FRK: variants seen among roughly 807,000 people sequenced by gnomAD.
FRK encodes the protein tyrosine-protein kinase FRK.
Under a neutral mutation model 56.4 loss-of-function variants are expected in FRK, and 51 were observed. The observed-to-expected ratio is 0.90, with a 90% CI of 0.72 to 1.14. FRK has a LOEUF of 1.14. FRK is among the 50% of genes most tolerant of loss of function. The pLI is 0.00. For synonymous variants in FRK, 245 were observed against 217.9 expected, an observed-to-expected ratio of 1.12 and a Z score of -1.10; for missense variants, 570 against 601.4, an observed-to-expected ratio of 0.95 and a Z score of 0.55.
chr6:115,931,536 G>T lies in FRK; in HGVS notation c.*10878C>A, dbSNP rs2114482005. 1 of 152,198 alleles carries T rather than the reference G, an allele frequency of 6.6e-6. No individual in the cohort carries two copies. Among genetic ancestry groups the T allele is most frequent in the South Asian group, 2.1e-4 (1 of 4,826 alleles). The allele number at this position is 152,198 out of a possible 1,614,324, so 9.4% of individuals were successfully genotyped here. A position where few individuals can be genotyped will look rare whatever the true frequency, so the allele number is the denominator to read the frequency against. On this transcript the variant is annotated 3_prime_UTR_variant, in exon 8 of 8. Transcript: ENST00000606080. ...AAGAATACAATATAAAAACATGCAT[G>T]TTTTTAAGAGAAAAATCTCACTGTG...
chr6:116,031,649 G>C (rs1199601920), intron 1 of FRK, among the ~76,000 whole-genome samples: 1 of 152,054 alleles, frequency 6.6e-6, no homozygotes, highest in Admixed American at 6.6e-5. Context: ...ATCAGAATTA[G>C]AGTCCATGGA....
At chr6:116,012,676 T>C (rs530527455) in intron 1 of FRK, among the ~76,000 whole-genome samples, 53 of 152,336 alleles carry the variant, frequency 3.5e-4, no homozygotes, top group Non-Finnish European at 6.2e-4. Flanking sequence ...GGGCATTTTA[T>C]ATAGTCTTCT....
chr6:115,946,253 T>C (rs1772447250), intron 5 of FRK, among the ~76,000 whole-genome samples: 1 of 152,078 alleles, frequency 6.6e-6, no homozygotes, highest in Non-Finnish European at 1.5e-5. Context: ...GGTTTGAAGC[T>C]AGAGGGCCAG....
At chr6:116,075,975 C>T in the FRK span, among the ~76,000 whole-genome samples, 1 of 152,214 alleles carries the variant, frequency 6.6e-6, no homozygotes, top group East Asian at 1.9e-4. Flanking sequence ...AACATTGATT[C>T]CTTGCATACC....
At chr6:116,089,560 G>A in the FRK span, among the ~76,000 whole-genome samples, 3 of 152,330 alleles carry the variant, frequency 2.0e-5, no homozygotes, top group East Asian at 5.8e-4. Flanking sequence ...TTCTTCTGAG[G>A]CCTGTTTTGT....
At chr6:116,008,382 T>C (rs943821529) in intron 1 of FRK, among the ~76,000 whole-genome samples, 1 of 152,218 alleles carries the variant, frequency 6.6e-6, no homozygotes, top group African/African-American at 2.4e-5. Context: ...ATAAATATAA[T>C]ATTTGACTGA....
At chr6:115,971,981 T>A (rs117314728) in intron 2 of FRK, among the ~76,000 whole-genome samples, 1 of 152,326 alleles carries the variant, frequency 6.6e-6, no homozygotes, top group Non-Finnish European at 1.5e-5. Flanking sequence ...TGGCAGAAAC[T>A]GAAGCTGACT....
intron 1 of FRK, among the ~76,000 whole-genome samples, chr6:116,016,786 A>G (rs1345232459): frequency 5.3e-5 from 8 of 152,100 alleles, no homozygotes; most frequent in African/African-American, 1.9e-4. Context: ...GATACTCACT[A>G]AGCATTACTA....
At chr6:116,100,635 G>A in the FRK span, among the ~76,000 whole-genome samples, 1 of 152,188 alleles carries the variant, frequency 6.6e-6, no homozygotes, top group African/African-American at 2.4e-5. Context: ...TGCCTTCTGG[G>A]CTCCTAGGCT....
At chr6:115,944,196 AGACTTTT>A in intron 6 of FRK, 41 bp downstream of exon 6, 1 of 1,465,234 alleles carries the variant, frequency 6.8e-7, no homozygotes, top group South Asian at 1.3e-5. Context: ...ACTAACTGTT[AGACTTTT>A]GACCTATTAC....
At chr6:116,061,399 A>AACACAC (rs3049929), upstream of FRK, among the ~76,000 whole-genome samples, 5,124 of 146,622 alleles carry the variant, frequency 0.035, 171 homozygotes, top group East Asian at 0.19. Flanking sequence ...CTATTTGGGA[A>AACACAC]ACACACACAC....
chr6:116,085,274 T>C, the FRK span, among the ~76,000 whole-genome samples: 4 of 152,184 alleles, frequency 2.6e-5, no homozygotes, highest in Non-Finnish European at 5.9e-5. Context: ...CGCATACATA[T>C]CTGTATTTTG....
chr6:116,021,438 T>C (rs1288257026), intron 1 of FRK, among the ~76,000 whole-genome samples: 2 of 152,112 alleles, frequency 1.3e-5, no homozygotes, highest in Admixed American at 6.5e-5. Context: ...TGGTTGATCA[T>C]TCAAAGGTTA....
Position 116,060,211 on chromosome 6 carries a change from G to A in FRK, c.101C>T (p.Ala34Val). ...CCTCTGTGACTGGGGAGAGCAAAGG[G>A]CCCCTGGATTTTCAATCACGGTTGA... Reference protein sequence around the residue: ...DKSTVIENPGALCSPQSQRHG... With the variant: ...DKSTVIENPGVLCSPQSQRHG... Residue 34 changes from alanine (A) to valine (V), a missense_variant, in exon 1 of 8, where the codon GCC (alanine) becomes GTC (valine). Physicochemically the swap from Ala to Val is moderately conservative, Grantham distance 64 (BLOSUM62 0). Transcript: ENST00000606080. 11 of 1,614,122 alleles carry A rather than the reference G, an allele frequency of 6.8e-6. No homozygotes were observed. Among genetic ancestry groups the A allele is most frequent in the Non-Finnish European group, 9.3e-6 (11 of 1,180,030 alleles).
chr6:116,083,001 G>A, the FRK span, among the ~76,000 whole-genome samples: 4 of 152,146 alleles, frequency 2.6e-5, no homozygotes, highest in Admixed American at 2.0e-4. Flanking sequence ...TTCAAGGAAC[G>A]CAGAAGTTTA....
the FRK span, among the ~76,000 whole-genome samples, chr6:116,091,965 C>T: frequency 6.6e-6 from 1 of 152,326 alleles, no homozygotes; most frequent in African/African-American, 2.4e-5. Flanking sequence ...TCTATCCTAT[C>T]TAGCCTGACC....
At chr6:115,956,669 C>A (rs1023484886) in intron 4 of FRK, 59 bp from the exon 5 acceptor site, 3 of 1,321,896 alleles carry the variant, frequency 2.3e-6, no homozygotes, top group Non-Finnish European at 3.0e-6. Flanking sequence ...ATCCTCACAG[C>A]AGCCTGGTGG....
chr6:116,046,321 C>T (rs1382157515), intron 1 of FRK, among the ~76,000 whole-genome samples: 6 of 152,204 alleles, frequency 3.9e-5, no homozygotes, highest in African/African-American at 1.4e-4. Context: ...ACTATAAAGA[C>T]ACATGCACAC....
intron 1 of FRK, among the ~76,000 whole-genome samples, chr6:116,058,721 T>TA (rs1241668151): frequency 6.6e-5 from 10 of 151,846 alleles, no homozygotes; most frequent in African/African-American, 2.2e-4. Context: ...CCATCCCGGC[T>TA]AACACGGTGA....
Sources: allele counts gnomAD v4.1 joint callset (sites outside exome capture counted in the v4.1 genomes callset), GRCh38; gene constraint gnomAD v4.1.1; transcripts MANE v1.5; gene names NCBI Gene and HGNC (gene_info 2026-07-23, HGNC 2026-07-21).